Variants in ABCA1 observed in about 807,000 individuals in gnomAD.
The protein encoded by ABCA1 is phospholipid-transporting ATPase ABCA1.
ABCA1 carries 133 observed loss-of-function variants against 262.5 expected under a neutral mutation model. That is an observed-to-expected ratio of 0.51 (90% CI 0.44 to 0.59). The LOEUF is 0.59. Among genes scored for constraint, ABCA1 ranks in the 20% least tolerant of loss-of-function variants. The pLI, the probability that ABCA1 is intolerant of heterozygous loss-of-function variation, is 0.00. For synonymous variants in ABCA1, 1,022 were observed against 1,043.5 expected (o/e 0.98, Z 0.40); for missense variants, 2,452 against 2,777.5 (o/e 0.88, Z 2.63).
intron 2 of ABCA1, among the ~76,000 whole-genome samples, chr9:104,898,241 T>C (rs1173663002): frequency 6.6e-6 from 1 of 152,120 alleles, no homozygotes; most frequent in Admixed American, 6.6e-5. Flanking sequence ...CAGGGAATCC[T>C]CTTGCACATA....
At chr9:104,799,741 G>A (rs1182180273) in intron 36 of ABCA1, 78 bp downstream of exon 36, 5 of 1,613,100 alleles carry the variant, frequency 3.1e-6, no homozygotes, top group Non-Finnish European at 4.2e-6. Context: ...CCCCTACAAT[G>A]AGATTCACAT....
At chr9:104,862,648 CCGG>C (rs1241801070) in intron 5 of ABCA1, among the ~76,000 whole-genome samples, 1 of 4,312 alleles carries the variant, frequency 2.3e-4, no homozygotes, top group African/African-American at 1.0e-3. Flanking sequence ...CCGGGCCGGG[CCGG>C]GCCGGGCCGG....
At chr9:104,828,730 G>A (rs1319727629) in intron 15 of ABCA1, among the ~76,000 whole-genome samples, 186 bp downstream of exon 15, 1 of 152,180 alleles carries the variant, frequency 6.6e-6, no homozygotes, top group Non-Finnish European at 1.5e-5. Flanking sequence ...GGTTGACCTT[G>A]GGCAAGTCAC....
At chr9:104,863,692 G>A (rs763639623) in intron 5 of ABCA1, among the ~76,000 whole-genome samples, 5 of 152,238 alleles carry the variant, frequency 3.3e-5, no homozygotes, top group African/African-American at 9.6e-5. Flanking sequence ...CTAGAGAAAT[G>A]ATTCACTGCT....
At chr9:104,918,370 G>A (rs752011345) in intron 1 of ABCA1, among the ~76,000 whole-genome samples, 6 of 152,032 alleles carry the variant, frequency 3.9e-5, no homozygotes, top group Non-Finnish European at 7.4e-5. Context: ...TAGTTCCTTC[G>A]AGCATGTGTC....
chr9:104,782,197 T>A lies in ABCA1; in HGVS notation c.*2118A>T, dbSNP rs1828585931. On this transcript the variant is annotated 3_prime_UTR_variant, in exon 50 of 50. Transcript: ENST00000374736. ...TGAGGAGAAATTATTCTATAAATTC[T>A]GTATTTTTGAAGATACTGTAAAATG... The A allele has an allele frequency of 1.3e-5, 2 of 152,164 alleles. No individual in the cohort carries two copies. Among genetic ancestry groups the A allele is most frequent in the African/African-American group, 4.8e-5 (2 of 41,466 alleles). The allele number at this position is 152,164 out of a possible 1,614,324, so 9.4% of individuals were successfully genotyped here. A position where few individuals can be genotyped will look rare whatever the true frequency, so the allele number is the denominator to read the frequency against.
chr9:104,924,098 A>G (rs1169854257), intron 1 of ABCA1, among the ~76,000 whole-genome samples: 1 of 152,182 alleles, frequency 6.6e-6, no homozygotes, highest in Non-Finnish European at 1.5e-5. Flanking sequence ...CTTGCCACAC[A>G]GTGCTATATA....
intron 16 of ABCA1, 92 bp downstream of exon 16, chr9:104,826,856 C>T (rs1832851943): frequency 2.5e-6 from 3 of 1,194,976 alleles, no homozygotes; most frequent in Non-Finnish European, 3.7e-6. Flanking sequence ...AAAAGACAAT[C>T]ATCTTCTGTT....
chr9:104,841,386 G>A (rs1834359593), intron 8 of ABCA1, among the ~76,000 whole-genome samples: 1 of 151,864 alleles, frequency 6.6e-6, no homozygotes, highest in Non-Finnish European at 1.5e-5. Context: ...GTTGCAGTGA[G>A]CCAAGCACCA....
intron 3 of ABCA1, among the ~76,000 whole-genome samples, chr9:104,885,667 A>G (rs996550287): frequency 2.0e-5 from 3 of 152,170 alleles, no homozygotes; most frequent in Non-Finnish European, 2.9e-5. Flanking sequence ...TGGTCCTAGG[A>G]TTCGGTCTGG....
At chr9:104,831,142 C>CAA (rs1833271238) in intron 13 of ABCA1, 41 bp from the exon 14 acceptor site, 1 of 1,249,386 alleles carries the variant, frequency 8.0e-7, no homozygotes, top group South Asian at 1.4e-5. Flanking sequence ...CCTTTAGAAC[C>CAA]ATACAATAAA....
chr9:104,792,401 A>T (rs1829503134), intron 42 of ABCA1, among the ~76,000 whole-genome samples: 1 of 152,208 alleles, frequency 6.6e-6, no homozygotes, highest in African/African-American at 2.4e-5. Context: ...TGGCATCTAG[A>T]GGGCTGATAT....
chr9:104,855,752 C>G, intron 7 of ABCA1: 1 of 1,550,654 alleles, frequency 6.4e-7, no homozygotes, highest in East Asian at 2.4e-5. Context: ...TATTCAAATG[C>G]AATATTCAAA....
At chr9:104,859,932 G>A (rs961431664) in intron 6 of ABCA1, among the ~76,000 whole-genome samples, 5 of 151,624 alleles carry the variant, frequency 3.3e-5, no homozygotes, top group Admixed American at 3.3e-4. Flanking sequence ...GTGCATGCCT[G>A]TAATCCCAGC....
chr9:104,814,686 T>C (rs992788486), intron 25 of ABCA1, among the ~76,000 whole-genome samples: 2 of 152,166 alleles, frequency 1.3e-5, no homozygotes, highest in Non-Finnish European at 2.9e-5. Flanking sequence ...GCTATCAAGC[T>C]AGACAATCAT....
chr9:104,829,721 G>A (rs1958248063), intron 14 of ABCA1, among the ~76,000 whole-genome samples: 1 of 152,140 alleles, frequency 6.6e-6, no homozygotes, highest in African/African-American at 2.4e-5. Context: ...CTGAACTCCT[G>A]TGCCCTGTCT....
At chr9:104,802,909 GA>G (rs1472637032) in intron 33 of ABCA1, among the ~76,000 whole-genome samples, 3 of 152,178 alleles carry the variant, frequency 2.0e-5, no homozygotes, top group African/African-American at 7.2e-5. Flanking sequence ...GAAGCCTCGG[GA>G]ATCTGGTTTG....
At chr9:104,811,704 C>A (rs1457479868) in intron 28 of ABCA1, among the ~76,000 whole-genome samples, 2 of 152,190 alleles carry the variant, frequency 1.3e-5, no homozygotes, top group Admixed American at 6.5e-5. Context: ...AGAAAATTAA[C>A]ATTGAGTGAA....
At chr9:104,821,612 C>A in intron 19 of ABCA1, 106 bp from the exon 20 acceptor site, 2 of 1,338,336 alleles carry the variant, frequency 1.5e-6, no homozygotes, top group Non-Finnish European at 2.1e-6. Context: ...CTCCCACCGC[C>A]CCCATTCCTT....
Sources: gnomAD v4.1 joint callset for allele counts (sites outside exome capture counted in the v4.1 genomes callset) on GRCh38, gnomAD v4.1.1 for gene constraint, MANE v1.5 for transcripts, NCBI Gene and HGNC (gene_info 2026-07-23, HGNC 2026-07-21) for gene names.